The following RFTN2 variants were observed in gnomAD, a reference collection of about 807,000 sequenced individuals.
RFTN2 encodes the protein raftlin-2.
In RFTN2, 34 loss-of-function variants were observed where a neutral mutation model predicts 52.7. That is an observed-to-expected ratio of 0.64 (90% CI 0.49 to 0.86). The LOEUF (loss-of-function observed/expected upper bound fraction) is 0.86. RFTN2 is among the 40% of genes least tolerant of loss of function. RFTN2 has a pLI of 0.00. For missense variants in RFTN2, 536 were observed against 600.1 expected (o/e 0.89, Z 1.12); for synonymous variants, 203 against 217.7 (o/e 0.93, Z 0.59).
intron 1 of RFTN2, among the ~76,000 whole-genome samples, chr2:197,667,794 G>T (rs941865036): frequency 1.3e-5 from 2 of 152,242 alleles, no homozygotes; most frequent in Non-Finnish European, 2.9e-5. Context: ...TGGGATGCCA[G>T]GTAGGCCAGT....
At chr2:197,598,555 G>A (rs556160648) in intron 7 of RFTN2, among the ~76,000 whole-genome samples, 3 of 152,296 alleles carry the variant, frequency 2.0e-5, no homozygotes, top group African/African-American at 7.2e-5. Flanking sequence ...CTTACAGGGA[G>A]TTCTTTCACA....
At chr2:197,625,214 A>G (rs2106223601) in intron 5 of RFTN2, among the ~76,000 whole-genome samples, 1 of 152,302 alleles carries the variant, frequency 6.6e-6, no homozygotes, top group African/African-American at 2.4e-5. Context: ...TTGACACTCC[A>G]GGAAGAGTTA....
At chr2:197,589,517 C>A (rs2087662297) in intron 8 of RFTN2, among the ~76,000 whole-genome samples, 1 of 152,202 alleles carries the variant, frequency 6.6e-6, no homozygotes, top group African/African-American at 2.4e-5. Flanking sequence ...TCATTCTCCC[C>A]AGTTCTTGGT....
At chr2:197,576,878 C>A (rs958535650) in intron 8 of RFTN2, among the ~76,000 whole-genome samples, 3 of 152,088 alleles carry the variant, frequency 2.0e-5, no homozygotes, top group Non-Finnish European at 4.4e-5. Flanking sequence ...AGGAAAATAA[C>A]CCTTGGGGCC....
chr2:197,607,738 C>A (rs1241638346), intron 7 of RFTN2, among the ~76,000 whole-genome samples: 1 of 152,070 alleles, frequency 6.6e-6, no homozygotes, highest in Non-Finnish European at 1.5e-5. Context: ...CAGCTATGTG[C>A]TTAGTCACAA....
At chr2:197,611,516 G>T (rs1478058843) in intron 7 of RFTN2, among the ~76,000 whole-genome samples, 1 of 151,642 alleles carries the variant, frequency 6.6e-6, no homozygotes, top group Non-Finnish European at 1.5e-5. Context: ...TTCTTTATTA[G>T]TCTGGCTAGT....
At chr2:197,669,927 T>C (rs943740964) in intron 1 of RFTN2, among the ~76,000 whole-genome samples, 1 of 152,250 alleles carries the variant, frequency 6.6e-6, no homozygotes, top group Non-Finnish European at 1.5e-5. Context: ...TAATGACTTT[T>C]TTTTGCCTTT....
chr2:197,586,511 C>T (rs976071358), intron 8 of RFTN2, among the ~76,000 whole-genome samples: 1 of 152,190 alleles, frequency 6.6e-6, no homozygotes, highest in Admixed American at 6.5e-5. Context: ...ATTGGACAGG[C>T]ACATGCACAT....
At chr2:197,591,892 G>A (rs980122237) in intron 8 of RFTN2, among the ~76,000 whole-genome samples, 3 of 151,990 alleles carry the variant, frequency 2.0e-5, no homozygotes, top group African/African-American at 7.2e-5. Context: ...TGCAAGCACT[G>A]TGCGCAGAAC....
chr2:197,662,306 A>G (rs2088987804), intron 1 of RFTN2, among the ~76,000 whole-genome samples: 1 of 152,108 alleles, frequency 6.6e-6, no homozygotes, highest in Non-Finnish European at 1.5e-5. Flanking sequence ...TGATTTTTGT[A>G]ATGGTGACAG....
At chr2:197,658,292 G>T (rs562547123) in intron 1 of RFTN2, among the ~76,000 whole-genome samples, 3 of 151,662 alleles carry the variant, frequency 2.0e-5, no homozygotes, top group African/African-American at 7.3e-5. Context: ...TGACCCCTAA[G>T]CATGCACATA....
At position 197,675,498 on chromosome 2, in the gene RFTN2, G is replaced by A; in HGVS notation, c.-40C>T. On this transcript the variant is annotated 5_prime_UTR_variant, in exon 1 of 9. Transcript: ENST00000295049. ...GGAATTAAATTGCAGGAAAGGGGAG[G>A]GAGAGCAGCAAATTCTGTTGTTTAA... The A allele has an allele frequency of 7.1e-7, 1 of 1,405,466 alleles. No individual in the cohort carries two copies. The highest frequency in any genetic ancestry group is 9.4e-7 in the Non-Finnish European group (1 of 1,066,986). 87.1% of individuals were successfully genotyped at this position (1,405,466 alleles called of 1,614,324 possible). A position where few individuals can be genotyped will look rare whatever the true frequency, so the allele number is the denominator to read the frequency against.
At chr2:197,629,094 C>T (rs78901536) in intron 5 of RFTN2, among the ~76,000 whole-genome samples, 15 of 152,106 alleles carry the variant, frequency 9.9e-5, no homozygotes, top group Non-Finnish European at 1.3e-4. Context: ...CCCATTACTG[C>T]GTATATACCC....
intron 8 of RFTN2, among the ~76,000 whole-genome samples, chr2:197,575,678 T>C (rs930694234): frequency 6.6e-6 from 1 of 151,088 alleles, no homozygotes; most frequent in Non-Finnish European, 1.5e-5. Flanking sequence ...AATGGGAGGA[T>C]TACTTGGGCC....
intron 3 of RFTN2, among the ~76,000 whole-genome samples, chr2:197,637,573 G>C (rs1260979878): frequency 6.6e-6 from 1 of 152,160 alleles, no homozygotes. Context: ...ATTTCTGTGG[G>C]ATTGGTGGTG....
rs1306175187 is a variant in RFTN2 at position 197,675,300 on chromosome 2, A to AGTTT, written c.139+19_139+20insAAAC. 6.4e-7 allele frequency: 1 copy of AGTTT among 1,557,760 alleles called. No individual in the cohort carries two copies. The highest frequency in any genetic ancestry group is 1.4e-5 in the African/African-American group (1 of 72,092). ...CTCATCTCTGAAACATTTAACAAAC[A>AGTTT]AAATAGAAGCAAAAAGTACCTTGTA... On this transcript the variant is annotated intron_variant, in intron 1 of 8. Coordinates refer to ENST00000295049, the MANE Select transcript of RFTN2 (RefSeq NM_144629.3).
Position 197,572,099 on chromosome 2 carries a change from G to A in RFTN2, c.1415C>T (p.Ser472Phe), listed in dbSNP as rs1282935331. 6.2e-7 allele frequency: 1 copy of A among 1,614,272 alleles called. No individual in the cohort carries two copies. The highest frequency in any genetic ancestry group is 1.1e-5 in the South Asian group (1 of 91,092). Residue 472 changes from serine (S) to phenylalanine (F), a missense_variant, in exon 9 of 9, where the codon TCT becomes TTT. Ser to Phe is a radical substitution (Grantham distance 155). Transcript: ENST00000295049. Reference sequence around the variant, plus strand: ...GACGTTGTCACTGCTGCTGAACCCAGAGAAGCTGTTGTGCTGTGCCAGCCT... The same window carrying A: ...GACGTTGTCACTGCTGCTGAACCCAAAGAAGCTGTTGTGCTGTGCCAGCCT... ...EGRLAQHNSF[S>F]GFSSSDNVLR...
intron 7 of RFTN2, among the ~76,000 whole-genome samples, chr2:197,597,498 G>A (rs754999937): frequency 3.3e-5 from 5 of 151,974 alleles, no homozygotes; most frequent in Non-Finnish European, 5.9e-5. Flanking sequence ...CATTTAATCC[G>A]TAAATTGTGT....
At chr2:197,581,689 T>C (rs2087513243) in intron 8 of RFTN2, among the ~76,000 whole-genome samples, 1 of 152,218 alleles carries the variant, frequency 6.6e-6, no homozygotes, top group Admixed American at 6.5e-5. Context: ...CTTCTCCATC[T>C]GTTACCTACC....
Sources: gnomAD v4.1 joint callset for allele counts (sites outside exome capture counted in the v4.1 genomes callset) on GRCh38, gnomAD v4.1.1 for gene constraint, MANE v1.5 for transcripts, NCBI Gene and HGNC (gene_info 2026-07-23, HGNC 2026-07-21) for gene names.